SLA2: variants seen among roughly 807,000 people sequenced by gnomAD.
The protein encoded by SLA2 is Src like adaptor 2.
A neutral mutation model predicts 27.3 loss-of-function variants in SLA2; 22 were observed. That is an observed-to-expected ratio of 0.81 (90% CI 0.58 to 1.15). The LOEUF (loss-of-function observed/expected upper bound fraction) is 1.15, where lower values mean the gene tolerates loss of function less well. Among genes scored for constraint, SLA2 ranks in the 50% most tolerant of loss-of-function variants. The pLI is 0.00. For synonymous variants in SLA2, 131 were observed against 137.8 expected, an observed-to-expected ratio of 0.95 and a Z score of 0.34; for missense variants, 304 against 322.2, an observed-to-expected ratio of 0.94 and a Z score of 0.43.
At chr20:36,615,486 G>T in intron 5 of SLA2, 112 bp from the exon 6 acceptor site, 1 of 1,200,880 alleles carries the variant, frequency 8.3e-7, no homozygotes, top group Non-Finnish European at 1.2e-6. Flanking sequence ...CAGAAGGGAA[G>T]TGTCTGGGGC....
At position 36,625,216 on chromosome 20, in the gene SLA2, A is replaced by ATTTT. The variant is rs71186005; in HGVS notation, c.382+7375_382+7378dup. Among the ~76,000 whole-genome samples the ATTTT allele has an allele frequency of 2.1e-3, 166 of 78,482 alleles. 4 individuals are homozygous for ATTTT. The highest frequency in any genetic ancestry group is 4.0e-3 in the African/African-American group (75 of 18,710). The allele number at this position is 78,482 out of a possible 152,430, so 51.5% of individuals were successfully genotyped here. A position where few individuals can be genotyped will look rare whatever the true frequency, so the allele number is the denominator to read the frequency against. ...TATTCTCATCAGACCACGTACCCTGATTTTTTTTTTTTTTTTTTTTTTTGA... is the reference window on the plus strand; with the variant it reads ...TATTCTCATCAGACCACGTACCCTGATTTTTTTTTTTTTTTTTTTTTTTTTTTGA... On this transcript the variant is annotated intron_variant, in intron 5 of 7. Coordinates refer to ENST00000262866, the MANE Select transcript of SLA2 (RefSeq NM_032214.4).
At chr20:36,625,065 C>CTCTG (rs768427435) in intron 5 of SLA2, among the ~76,000 whole-genome samples, 2 of 152,182 alleles carry the variant, frequency 1.3e-5, no homozygotes, top group Admixed American at 6.6e-5. Flanking sequence ...ATGCTGGACA[C>CTCTG]TCTGCTCTGG....
At chr20:36,640,390 T>TAA (rs150292330) in intron 2 of SLA2, among the ~76,000 whole-genome samples, 2 of 152,284 alleles carry the variant, frequency 1.3e-5, no homozygotes, top group East Asian at 3.9e-4. Flanking sequence ...TAGGACAGTA[T>TAA]AGCAGAACTT....
At chr20:36,619,853 C>T (rs1215844348) in intron 5 of SLA2, among the ~76,000 whole-genome samples, 3 of 150,510 alleles carry the variant, frequency 2.0e-5, no homozygotes, top group Non-Finnish European at 4.4e-5. Context: ...AGGATGGTCT[C>T]GATCTCCTGA....
chr20:36,619,159 T>C (rs560555494), intron 5 of SLA2, among the ~76,000 whole-genome samples: 1 of 144,306 alleles, frequency 6.9e-6, no homozygotes, highest in East Asian at 2.0e-4. Context: ...AGGTGGAGGT[T>C]GCAGTAAGCT....
At chr20:36,629,017 G>A (rs2039366693) in intron 5 of SLA2, among the ~76,000 whole-genome samples, 1 of 151,024 alleles carries the variant, frequency 6.6e-6, no homozygotes, top group African/African-American at 2.4e-5. Context: ...ATCTCCTTTT[G>A]GAATTGACTA....
chr20:36,618,249 G>A (rs113721705), intron 5 of SLA2, among the ~76,000 whole-genome samples: 18 of 152,140 alleles, frequency 1.2e-4, no homozygotes, highest in African/African-American at 4.3e-4. Context: ...GAATGTTAGT[G>A]GGATATTAAT....
rs1423690325 is a variant in SLA2, at chr20:36,612,438, CT to C, written c.*1427del. The C allele has an allele frequency of 1.7e-6, 1 of 596,180 alleles. No homozygotes were observed. Among genetic ancestry groups the C allele is most frequent in the African/African-American group, 1.9e-5 (1 of 53,780 alleles). 36.9% of individuals were successfully genotyped at this position (596,180 alleles called of 1,614,324 possible). A position where few individuals can be genotyped will look rare whatever the true frequency, so the allele number is the denominator to read the frequency against. ...TTAAACTATCAATGGCATTTCAAGT[CT>C]TCTGAAACAGCATGGCTGTATGTGC... is the stretch of plus-strand genomic sequence containing the variant. On this transcript the variant is annotated 3_prime_UTR_variant, in exon 8 of 8. Transcript: ENST00000262866.
chr20:36,615,168 C>T, intron 6 of SLA2, 57 bp downstream of exon 6: 1 of 1,611,256 alleles, frequency 6.2e-7, no homozygotes, highest in Non-Finnish European at 8.5e-7. Flanking sequence ...GGCACCACTG[C>T]CTGCTCCTCC....
At chr20:36,624,578 A>C (rs1158425063) in intron 5 of SLA2, among the ~76,000 whole-genome samples, 6 of 152,140 alleles carry the variant, frequency 3.9e-5, no homozygotes, top group Non-Finnish European at 8.8e-5. Flanking sequence ...CACAGTATCT[A>C]TTTGTTGAAT....
intron 5 of SLA2, among the ~76,000 whole-genome samples, chr20:36,623,266 C>CAAAAAAA: frequency 3.8e-5 from 2 of 52,110 alleles, no homozygotes; most frequent in Non-Finnish European, 8.4e-5. Flanking sequence ...CATTACATCT[C>CAAAAAAA]AAAAAAAAAA....
At chr20:36,614,146 G>C (rs1461420337) in intron 7 of SLA2, among the ~76,000 whole-genome samples, 159 bp downstream of exon 7, 1 of 152,138 alleles carries the variant, frequency 6.6e-6, no homozygotes, top group African/African-American at 2.4e-5. Flanking sequence ...CCCACCTGTC[G>C]AGCCTGGGCC....
chr20:36,620,945 T>C, intron 5 of SLA2: 1 of 322,056 alleles, frequency 3.1e-6, no homozygotes, highest in Non-Finnish European at 6.2e-6. Flanking sequence ...GCCTGCTGGA[T>C]GGTAAGTAGT....
At chr20:36,621,344 G>T (rs2069837601) in intron 5 of SLA2, 1 of 616,964 alleles carries the variant, frequency 1.6e-6, no homozygotes. Context: ...AGTTTTGGTG[G>T]AAGAAGCTCA....
At chr20:36,642,244 GA>G (rs1422841839) in intron 1 of SLA2, among the ~76,000 whole-genome samples, 1 of 77,060 alleles carries the variant, frequency 1.3e-5, no homozygotes, top group Non-Finnish European at 2.7e-5. Flanking sequence ...GGCTTTAGGG[GA>G]CTGACTGTTG....
chr20:36,641,117 C>G (rs2039502295), intron 2 of SLA2, 128 bp downstream of exon 2: 1 of 734,742 alleles, frequency 1.4e-6, no homozygotes. Flanking sequence ...GTAGGCAGGG[C>G]CTGGTATGCA....
rs539905690 is a variant in SLA2, at chr20:36,633,648, G to C, written c.192-19C>G. ...TCCATCCCTGGAGAGAGAAAGGAGT[G>C]GGGGCACCTCTTTCAGATGAGCCAA... is the stretch of plus-strand genomic sequence containing the variant. On this transcript the variant is annotated intron_variant, in intron 3 of 7. Coordinates refer to ENST00000262866, the MANE Select transcript of SLA2 (RefSeq NM_032214.4). 6.2e-7 allele frequency: 1 copy of C among 1,604,966 alleles called. No individual in the cohort carries two copies. The highest frequency in any genetic ancestry group is 1.7e-5 in the Admixed American group (1 of 59,946).
intron 7 of SLA2, 34 bp from the exon 8 acceptor site, chr20:36,614,020 C>A: frequency 6.2e-7 from 1 of 1,611,294 alleles, no homozygotes; most frequent in Non-Finnish European, 8.5e-7. Flanking sequence ...GGTCAAGAAG[C>A]CTCTTCCTCC....
intron 6 of SLA2, 114 bp downstream of exon 6, chr20:36,615,111 C>T (rs1391551432): frequency 5.9e-6 from 9 of 1,513,240 alleles, no homozygotes; most frequent in Admixed American, 2.1e-5. Flanking sequence ...TAGGGGAGGC[C>T]GCTCTTCTGT....
Sources: gnomAD v4.1 joint callset for allele counts (sites outside exome capture counted in the v4.1 genomes callset) on GRCh38, gnomAD v4.1.1 for gene constraint, MANE v1.5 for transcripts, NCBI Gene and HGNC (gene_info 2026-07-23, HGNC 2026-07-21) for gene names.